RPS13: variants seen among roughly 807,000 people sequenced by gnomAD.
The protein encoded by RPS13 is small ribosomal subunit protein uS15.
A neutral mutation model predicts 24.6 loss-of-function variants in RPS13; 1 was observed. The observed-to-expected ratio is 0.04, with a 90% CI of 0.01 to 0.19. RPS13 has a LOEUF of 0.19. Ranked by LOEUF, RPS13 falls within the 10% of genes least tolerant of loss-of-function variation. The pLI, the probability that RPS13 is intolerant of heterozygous loss-of-function variation, is 1.00. For synonymous variants in RPS13, 69 were observed against 65.3 expected (o/e 1.06, Z -0.27); for missense variants, 88 against 187.4 (o/e 0.47, Z 3.10).
At chr11:17,075,768 G>A (rs1275054190) in intron 3 of RPS13, 145 bp from the exon 4 acceptor site, 1 of 714,958 alleles carries the variant, frequency 1.4e-6, no homozygotes, top group Non-Finnish European at 2.5e-6. Context: ...ACGTGAGAAT[G>A]CACATAAAGC....
rs774286860 is a variant in RPS13 at position 17,077,651 on chromosome 11, G to T, written c.-10C>A. On this transcript the variant is annotated 5_prime_UTR_variant, in exon 1 of 6. Coordinates refer to ENST00000525634, the MANE Select transcript of RPS13 (RefSeq NM_001017.3). ...CATGCATGCGACCCATGATGGCGGCGATCAGGCAACGAAAGGAGAGCGAGA... is the reference window on the plus strand; with the variant it reads ...CATGCATGCGACCCATGATGGCGGCTATCAGGCAACGAAAGGAGAGCGAGA... 4.8e-5 allele frequency: 78 copies of T among 1,612,536 alleles called. 1 individual carries two copies. In the Admixed American group the frequency reaches 9.4e-4, roughly 19 times the overall value.
rs1421945654 is a variant in RPS13, at chr11:17,077,104, C to T, written c.151+64G>A. 1.4e-5 allele frequency: 17 copies of T among 1,229,586 alleles called. No homozygotes were observed. In the South Asian group the frequency reaches 1.6e-4, roughly 11 times the overall value. The allele number at this position is 1,229,586 out of a possible 1,614,324, so 76.2% of individuals were successfully genotyped here. ...GCTATTTTTAAAATAACTTTACCAC[C>T]TACTAGATCCTACAAGTCACACGAG... On this transcript the variant is annotated intron_variant, in intron 3 of 5. Transcript: ENST00000525634.
In RPS13 at chr11:17,075,271, A is replaced by T. The variant is rs990857485; in HGVS notation, c.322-74T>A. ...AACATTATCAAACATTAATAAGAGA[A>T]TGTAGAGCTACCATGCACTTTCTAT... On this transcript the variant is annotated intron_variant, in intron 4 of 5. Transcript: ENST00000525634. 18 of 1,129,626 alleles carry T rather than the reference A, an allele frequency of 1.6e-5. No homozygotes were observed. In the African/African-American group the frequency reaches 2.2e-4, roughly 14 times the overall value. The allele number at this position is 1,129,626 out of a possible 1,614,324, so 70.0% of individuals were successfully genotyped here.
At chr11:17,074,508 T>C in intron 5 of RPS13, 42 bp from the exon 6 acceptor site, 4 of 1,457,692 alleles carry the variant, frequency 2.7e-6, no homozygotes, top group Non-Finnish European at 2.9e-6. Context: ...TCAGGATTAA[T>C]ACTAGTCCCT....
intron 5 of RPS13, 111 bp from the exon 6 acceptor site, chr11:17,074,577 C>A: frequency 2.3e-6 from 2 of 860,884 alleles, no homozygotes; most frequent in South Asian, 1.4e-5. Flanking sequence ...GTTAATAAAT[C>A]CAAACTATAT....
At chr11:17,074,560 T>C (rs1004161345) in intron 5 of RPS13, 94 bp from the exon 6 acceptor site, 8 of 968,474 alleles carry the variant, frequency 8.3e-6, no homozygotes, top group African/African-American at 1.6e-5. Flanking sequence ...GGTGCTATTC[T>C]CAAACAGTTA....
At chr11:17,076,549 T>C in intron 3 of RPS13, 2 of 368,476 alleles carry the variant, frequency 5.4e-6, no homozygotes, top group Non-Finnish European at 1.0e-5. Flanking sequence ...AGAGCAAGAC[T>C]GTCTCAAAAA....
Position 17,074,447 on chromosome 11 carries a change from C to A in RPS13, c.442G>T (p.Ala148Ser). The A allele has an allele frequency of 6.2e-7, 1 of 1,612,066 alleles. No homozygotes were observed. Among genetic ancestry groups the A allele is most frequent in the Non-Finnish European group, 8.5e-7 (1 of 1,178,292 alleles). ...CACAGACAAATTTATGCGACCAGGGCAGAGGCTGTAGATGATTCACTGAAA... is the reference window on the plus strand; with the variant it reads ...CACAGACAAATTTATGCGACCAGGGAAGAGGCTGTAGATGATTCACTGAAA... ...NWKYESSTAS[A>S]LVA is the part of the protein sequence containing the mutation. The change falls in exon 6 of 6, where the codon GCC becomes TCC. Residue 148 changes from alanine to serine, a missense_variant. Coordinates refer to ENST00000525634, the MANE Select transcript of RPS13 (RefSeq NM_001017.3).
chr11:17,075,352 T>G (rs931922646), intron 4 of RPS13, 102 bp downstream of exon 4: 1 of 1,065,742 alleles, frequency 9.4e-7, no homozygotes, highest in Non-Finnish European at 1.4e-6. Flanking sequence ...CACTGGTTTG[T>G]GTACTAAGCC....
At chr11:17,077,367 T>G in intron 2 of RPS13, 62 bp downstream of exon 2, 1 of 1,591,894 alleles carries the variant, frequency 6.3e-7, no homozygotes, top group Non-Finnish European at 8.6e-7. Flanking sequence ...CTGGCGTCGC[T>G]TCACCCGAGA....
intron 1 of RPS13, 23 bp from the exon 2 acceptor site, chr11:17,077,500 G>A (rs1222890724): frequency 6.2e-7 from 1 of 1,613,988 alleles, no homozygotes; most frequent in Non-Finnish European, 8.5e-7. Flanking sequence ...GCAGTCTCGA[G>A]GTGAGGTGGC....
Position 17,075,787 on chromosome 11 carries a change from A to G in RPS13, c.152-164T>C, listed in dbSNP as rs764297805. 1.1e-5 allele frequency: 8 copies of G among 701,470 alleles called. No individual in the cohort carries two copies. The East Asian group carries it at 2.2e-4, about 19-fold the overall frequency. 43.5% of individuals were successfully genotyped at this position (701,470 alleles called of 1,614,324 possible). On this transcript the variant is annotated intron_variant, in intron 3 of 5. Coordinates refer to ENST00000525634, the MANE Select transcript of RPS13 (RefSeq NM_001017.3). ...GAGAATGCACATAAAGCTCACTCAG[A>G]CATCCAAGGAAGGTTTACCCAACAC...
At chr11:17,076,980 A>G (rs1031927806) in intron 3 of RPS13, 188 bp downstream of exon 3, 4 of 589,034 alleles carry the variant, frequency 6.8e-6, no homozygotes, top group Non-Finnish European at 1.2e-5. Flanking sequence ...AAAGCCATGA[A>G]GATTTATTTC....
At chr11:17,075,280 T>A in intron 4 of RPS13, 83 bp from the exon 5 acceptor site, 1 of 1,063,542 alleles carries the variant, frequency 9.4e-7, no homozygotes, top group South Asian at 1.5e-5. Context: ...AATGTAGAGC[T>A]ACCATGCACT....
At position 17,077,632 on chromosome 11, in the gene RPS13, T is replaced by C. The variant is rs142912098; in HGVS notation, c.10A>G (p.Met4Val). MGR[M>V]HAPGKGLSQS... ...CCCCGAGCTCACCCGGGAGCATGCA[T>C]GCGACCCATGATGGCGGCGATCAGG... The change falls in exon 1 of 6, where the codon ATG becomes GTG. Residue 4 changes from methionine to valine, a missense_variant. By Grantham distance (21) the Met-to-Val change is conservative. Coordinates refer to ENST00000525634, the MANE Select transcript of RPS13 (RefSeq NM_001017.3). 4 of 1,535,226 alleles carry C rather than the reference T, an allele frequency of 2.6e-6. No individual in the cohort carries two copies. Among genetic ancestry groups the C allele is most frequent in the Non-Finnish European group, 3.5e-6 (4 of 1,133,824 alleles).
intron 3 of RPS13, 85 bp downstream of exon 3, chr11:17,077,083 T>C (rs1848034092): frequency 1.9e-6 from 2 of 1,046,950 alleles, no homozygotes; most frequent in Non-Finnish European, 3.0e-6. Flanking sequence ...GTTTTGGCTA[T>C]TTTTAAAATA....
At chr11:17,077,397 C>G in intron 2 of RPS13, 32 bp downstream of exon 2, 1 of 1,598,810 alleles carries the variant, frequency 6.3e-7, no homozygotes, top group South Asian at 1.1e-5. Flanking sequence ...ACCCCCTCCC[C>G]GGATTCTCCC....
chr11:17,077,426 T>TA lies in RPS13; in HGVS notation c.72+2dup. ...TTCTCCCCGGTCCCAGCGCGCTACT[T>TA]ACAGTGGGGACGCTGCGTCGATAGG... On this transcript the variant is annotated splice_region_variant and intron_variant, in intron 2 of 5. Coordinates refer to ENST00000525634, the MANE Select transcript of RPS13 (RefSeq NM_001017.3). 1.9e-6 allele frequency: 3 copies of TA among 1,607,700 alleles called. No individual in the cohort carries two copies. Among genetic ancestry groups the TA allele is most frequent in the Non-Finnish European group, 2.5e-6 (3 of 1,176,518 alleles).
intron 3 of RPS13, chr11:17,075,926 T>G: frequency 2.0e-6 from 1 of 491,360 alleles, no homozygotes; most frequent in East Asian, 5.0e-5. Context: ...TAACATTTAC[T>G]GAGAACTCTG....
Sources: gnomAD v4.1 joint callset for allele counts on GRCh38, gnomAD v4.1.1 for gene constraint, MANE v1.5 for transcripts, NCBI Gene and HGNC (gene_info 2026-07-23, HGNC 2026-07-21) for gene names.